Variants in NUP210L observed in about 807,000 individuals in gnomAD.
NUP210L encodes nucleoporin 210 like.
NUP210L carries 74 observed loss-of-function variants against 208.5 expected under a neutral mutation model. The observed-to-expected ratio is 0.35, with a 90% CI of 0.29 to 0.43. The LOEUF (loss-of-function observed/expected upper bound fraction) is 0.43. Among genes scored for constraint, NUP210L ranks in the 20% least tolerant of loss-of-function variants. The pLI is 1.00. For missense variants in NUP210L, 1,843 were observed against 2,289.4 expected (o/e 0.81, Z 3.98); for synonymous variants, 780 against 816.9 (o/e 0.95, Z 0.77).
At position 154,065,691 on chromosome 1, in the gene NUP210L, G is replaced by C. The variant is rs553798785; in HGVS notation, c.2555-4017C>G. 5.0e-4 allele frequency among the ~76,000 whole-genome samples: 76 copies of C among 152,044 alleles called. 2 individuals are homozygous for C. The South Asian group carries it at 0.016, about 32-fold the overall frequency. On this transcript the variant is annotated intron_variant, in intron 17 of 39. Coordinates refer to ENST00000368559, the Ensembl canonical transcript of NUP210L. ...GTGGATTGCCTGAGCTCAGGAGCTC[G>C]AGACCATCTTGGGCAACATGGTGAA...
chr1:154,035,500 C>T (rs1193617749), intron 27 of NUP210L, among the ~76,000 whole-genome samples: 4 of 150,654 alleles, frequency 2.7e-5, no homozygotes, highest in African/African-American at 4.9e-5. Context: ...CGGGTTCAAG[C>T]GATTCTCCTG....
chr1:154,039,519 A>G (rs1652747480), intron 27 of NUP210L, among the ~76,000 whole-genome samples: 1 of 152,104 alleles, frequency 6.6e-6, no homozygotes, highest in African/African-American at 2.4e-5. Context: ...TACAGGCGTG[A>G]GCCACCGCAC....
chr1:153,992,720 A>G (rs1649530711), exon 40 of NUP210L: 2 of 709,804 alleles, frequency 2.8e-6, no homozygotes, highest in East Asian at 2.6e-5. Context: ...TGCTTTATTT[A>G]TAGTTCTCAG....
chr1:153,992,803 C>T (rs1184179685), exon 40 of NUP210L: 9 of 1,425,452 alleles, frequency 6.3e-6, no homozygotes, highest in South Asian at 3.7e-5. Flanking sequence ...CTTCATTCCC[C>T]TGCAGTTAAG....
intron 29 of NUP210L, among the ~76,000 whole-genome samples, 165 bp from the exon 30 acceptor site, chr1:154,025,881 A>T (rs1351857186): frequency 6.6e-6 from 1 of 152,042 alleles, no homozygotes; most frequent in Middle Eastern, 3.2e-3. Context: ...CTGCCTTTGG[A>T]TTATGCTTAT....
intron 6 of NUP210L, among the ~76,000 whole-genome samples, chr1:154,136,257 G>C (rs1658541699): frequency 6.6e-6 from 1 of 152,070 alleles, no homozygotes; most frequent in Non-Finnish European, 1.5e-5. Context: ...TTCGAGACCA[G>C]CCTGGCCAAC....
At chr1:154,141,611 GA>G in intron 3 of NUP210L, 87 bp from the exon 4 acceptor site, 1 of 781,040 alleles carries the variant, frequency 1.3e-6, no homozygotes, top group Admixed American at 2.1e-5. Context: ...AACCTAACTA[GA>G]AAATTACTTT....
intron 7 of NUP210L, among the ~76,000 whole-genome samples, chr1:154,134,828 C>T (rs1357240801): frequency 2.7e-5 from 4 of 149,528 alleles, no homozygotes; most frequent in African/African-American, 4.9e-5. Context: ...CTCCACTTCC[C>T]GGGGGTTCAA....
chr1:154,078,422 C>T (rs1175765942), intron 16 of NUP210L, among the ~76,000 whole-genome samples: 1 of 151,956 alleles, frequency 6.6e-6, no homozygotes, highest in Non-Finnish European at 1.5e-5. Context: ...TGGTGAAACC[C>T]TGTCTCTACT....
chr1:154,067,479 C>T (rs553733427), intron 17 of NUP210L, among the ~76,000 whole-genome samples: 1 of 152,238 alleles, frequency 6.6e-6, no homozygotes, highest in Non-Finnish European at 1.5e-5. Context: ...AAACCCACAG[C>T]CAATATCATA....
chr1:154,130,538 G>A (rs891853652), intron 7 of NUP210L, among the ~76,000 whole-genome samples: 3 of 150,234 alleles, frequency 2.0e-5, no homozygotes, highest in African/African-American at 4.9e-5. Flanking sequence ...CTCCCAAAGC[G>A]TTGGGATTAC....
At chr1:153,996,970 T>G (rs1649925959) in intron 37 of NUP210L, among the ~76,000 whole-genome samples, 1 of 151,760 alleles carries the variant, frequency 6.6e-6, no homozygotes, top group African/African-American at 2.4e-5. Flanking sequence ...TCCGACTTTT[T>G]TTTTGTTTTT....
intron 12 of NUP210L, among the ~76,000 whole-genome samples, chr1:154,104,996 G>GAGAGA (rs1656674891): frequency 6.6e-6 from 1 of 152,068 alleles, no homozygotes; most frequent in African/African-American, 2.4e-5. Context: ...GAGAGGAGAG[G>GAGAGA]GGAGAGTAAA....
intron 37 of NUP210L, chr1:153,995,507 C>G: frequency 3.3e-6 from 2 of 603,876 alleles, no homozygotes; most frequent in Admixed American, 2.5e-5. Flanking sequence ...TAATACAACT[C>G]TCTAATTCTT....
intron 20 of NUP210L, among the ~76,000 whole-genome samples, chr1:154,059,679 C>G (rs1654039736): frequency 6.6e-6 from 1 of 152,122 alleles, no homozygotes; most frequent in Non-Finnish European, 1.5e-5. Context: ...CCAACTAACA[C>G]TGTTTTTTCT....
intron 17 of NUP210L, among the ~76,000 whole-genome samples, 198 bp downstream of exon 17, chr1:154,070,075 T>C (rs1447330445): frequency 6.6e-6 from 1 of 151,992 alleles, no homozygotes; most frequent in African/African-American, 2.4e-5. Context: ...GGGGGAGAGA[T>C]AGCATCAGGA....
intron 27 of NUP210L, among the ~76,000 whole-genome samples, chr1:154,039,235 C>CTT (rs76369289): frequency 4.4e-5 from 6 of 135,248 alleles, no homozygotes; most frequent in African/African-American, 5.4e-5. Context: ...TTCTGGGAAA[C>CTT]TTTTTTTTTT....
chr1:154,035,819 C>T (rs1271817307), intron 27 of NUP210L, among the ~76,000 whole-genome samples: 21 of 151,862 alleles, frequency 1.4e-4, no homozygotes, highest in Admixed American at 9.9e-4. Flanking sequence ...TTGCAACCTC[C>T]GCCTTTCAAG....
chr1:154,141,924 G>A (rs184147226), intron 3 of NUP210L, among the ~76,000 whole-genome samples: 37 of 152,246 alleles, frequency 2.4e-4, no homozygotes, highest in African/African-American at 8.2e-4. Flanking sequence ...CACTTTGGGA[G>A]GCCAAGGCAG....
Sources: allele counts gnomAD v4.1 joint callset (sites outside exome capture counted in the v4.1 genomes callset), GRCh38; gene constraint gnomAD v4.1.1; transcripts MANE v1.5; gene names NCBI Gene and HGNC (gene_info 2026-07-23, HGNC 2026-07-21).